ENOX1: variants seen among roughly 807,000 people sequenced by gnomAD.
ENOX1 encodes candidate growth-related and time keeping constitutive hydroquinone (NADH) oxidase.
A neutral mutation model predicts 82.5 loss-of-function variants in ENOX1; 42 were observed. The ratio of observed to expected loss-of-function variants is 0.51; its 90% CI spans 0.40 to 0.66. The LOEUF (loss-of-function observed/expected upper bound fraction) is 0.66. Among genes scored for constraint, ENOX1 ranks in the 30% least tolerant of loss-of-function variants. The probability of loss-of-function intolerance (pLI) is 0.00; values close to 1 mark genes in which losing one functional copy is unlikely to be tolerated. For missense variants in ENOX1, 608 were observed against 811.6 expected, an observed-to-expected ratio of 0.75 and a Z score of 3.05; for synonymous variants, 271 against 282.2, an observed-to-expected ratio of 0.96 and a Z score of 0.40.
intron 2 of ENOX1, among the ~76,000 whole-genome samples, chr13:43,572,938 T>A (rs1017979522): frequency 6.6e-6 from 1 of 152,240 alleles, no homozygotes; most frequent in Non-Finnish European, 1.5e-5. Flanking sequence ...CTCATACATA[T>A]CATTGAGTCA....
intron 3 of ENOX1, among the ~76,000 whole-genome samples, chr13:43,467,374 A>C (rs1252105784): frequency 6.6e-6 from 1 of 152,198 alleles, no homozygotes; most frequent in East Asian, 1.9e-4. Flanking sequence ...CAGACAGTTA[A>C]AATAGTAACC....
intron 14 of ENOX1, among the ~76,000 whole-genome samples, chr13:43,258,053 C>G (rs1391057029): frequency 6.6e-6 from 1 of 152,214 alleles, no homozygotes; most frequent in Non-Finnish European, 1.5e-5. Flanking sequence ...CCAACTCTGG[C>G]CCTGATAAAA....
At chr13:43,278,784 TAAAGA>T (rs1193691928) in intron 12 of ENOX1, among the ~76,000 whole-genome samples, 1 of 152,196 alleles carries the variant, frequency 6.6e-6, no homozygotes, top group Non-Finnish European at 1.5e-5. Context: ...TTAGGTAAAG[TAAAGA>T]AAACTATTGA....
intron 1 of ENOX1, among the ~76,000 whole-genome samples, chr13:43,712,455 A>G (rs1474617987): frequency 6.6e-6 from 1 of 152,120 alleles, no homozygotes; most frequent in Non-Finnish European, 1.5e-5. Flanking sequence ...TCTGTGAAGA[A>G]AGTCATTGGT....
chr13:43,714,289 T>C (rs1029821229), intron 1 of ENOX1, among the ~76,000 whole-genome samples: 40 of 152,220 alleles, frequency 2.6e-4, no homozygotes, highest in African/African-American at 9.4e-4. Flanking sequence ...TAGTTTGTTA[T>C]AATTTCTGTT....
chr13:43,328,678 T>C (rs2048253572), intron 9 of ENOX1, among the ~76,000 whole-genome samples: 1 of 152,172 alleles, frequency 6.6e-6, no homozygotes, highest in Non-Finnish European at 1.5e-5. Flanking sequence ...AAGGACCCAA[T>C]GGCCCAATAG....
At chr13:43,320,043 T>A (rs2047717387) in intron 11 of ENOX1, among the ~76,000 whole-genome samples, 1 of 152,194 alleles carries the variant, frequency 6.6e-6, no homozygotes, top group South Asian at 2.1e-4. Context: ...GGGATTTGTC[T>A]GAGGTTTGAA....
At chr13:43,466,375 A>T (rs766458449) in intron 3 of ENOX1, among the ~76,000 whole-genome samples, 2 of 152,170 alleles carry the variant, frequency 1.3e-5, no homozygotes, top group Non-Finnish European at 2.9e-5. Context: ...ATTATACTTG[A>T]TTGTTAATAT....
At chr13:43,672,796 G>A (rs368309095) in intron 1 of ENOX1, among the ~76,000 whole-genome samples, 7 of 152,026 alleles carry the variant, frequency 4.6e-5, no homozygotes, top group East Asian at 1.9e-4. Context: ...AAAAACCACC[G>A]CTCTATGATT....
chr13:43,690,836 G>A (rs934880250), intron 1 of ENOX1, among the ~76,000 whole-genome samples: 1 of 152,162 alleles, frequency 6.6e-6, no homozygotes, highest in South Asian at 2.1e-4. Flanking sequence ...ACCACTACTT[G>A]TTTCCCACTG....
At chr13:43,475,602 G>A (rs1457574106) in intron 3 of ENOX1, among the ~76,000 whole-genome samples, 1 of 152,046 alleles carries the variant, frequency 6.6e-6, no homozygotes, top group Non-Finnish European at 1.5e-5. Context: ...TTGAGAAGTG[G>A]TGAGATCATT....
intron 2 of ENOX1, among the ~76,000 whole-genome samples, chr13:43,643,457 T>A (rs532006050): frequency 6.6e-6 from 1 of 152,274 alleles, no homozygotes; most frequent in Admixed American, 6.5e-5. Flanking sequence ...TTCCCAATTG[T>A]TTAGTTTGAT....
chr13:43,644,679 A>G (rs979439287), intron 2 of ENOX1, among the ~76,000 whole-genome samples: 1 of 152,222 alleles, frequency 6.6e-6, no homozygotes, highest in Non-Finnish European at 1.5e-5. Flanking sequence ...CTATCCTATT[A>G]TGTAGTAATC....
intron 3 of ENOX1, among the ~76,000 whole-genome samples, chr13:43,435,862 T>C (rs1012250218): frequency 2.6e-5 from 4 of 151,990 alleles, no homozygotes; most frequent in African/African-American, 9.6e-5. Context: ...AAGAAAGGTG[T>C]TATTTTCATC....
At chr13:43,552,993 T>C (rs2153700634) in intron 2 of ENOX1, among the ~76,000 whole-genome samples, 1 of 152,144 alleles carries the variant, frequency 6.6e-6, no homozygotes. Context: ...TTTGTAATAA[T>C]ATTGAAGAGG....
intron 1 of ENOX1, among the ~76,000 whole-genome samples, chr13:43,710,939 A>G (rs1190090384): frequency 4.6e-5 from 7 of 151,892 alleles, no homozygotes; most frequent in Non-Finnish European, 7.4e-5. Context: ...ATTATACTTT[A>G]AGTTTTAGGT....
At chr13:43,651,813 A>G (rs2084191231) in intron 2 of ENOX1, among the ~76,000 whole-genome samples, 1 of 151,916 alleles carries the variant, frequency 6.6e-6, no homozygotes, top group Non-Finnish European at 1.5e-5. Flanking sequence ...CATCTCTACT[A>G]AAAATACAAA....
chr13:43,381,160 A>G (rs2052015216), intron 5 of ENOX1, among the ~76,000 whole-genome samples: 1 of 151,832 alleles, frequency 6.6e-6, no homozygotes, highest in African/African-American at 2.4e-5. Flanking sequence ...TCTGGGCATA[A>G]ACCAAACCTT....
At chr13:43,319,159 G>A (rs1206477280) in intron 11 of ENOX1, among the ~76,000 whole-genome samples, 2 of 152,118 alleles carry the variant, frequency 1.3e-5, no homozygotes, top group African/African-American at 4.8e-5. Flanking sequence ...ATCTTCACAG[G>A]CTTCAGAGCA....
Sources: gnomAD v4.1 joint callset for allele counts (sites outside exome capture counted in the v4.1 genomes callset) on GRCh38, gnomAD v4.1.1 for gene constraint, MANE v1.5 for transcripts, NCBI Gene and HGNC (gene_info 2026-07-23, HGNC 2026-07-21) for gene names.